PAG1: variants seen among roughly 807,000 people sequenced by gnomAD.
PAG1 encodes the protein phosphoprotein associated with glycosphingolipid-enriched microdomains 1.
In PAG1, 23 loss-of-function variants were observed where a neutral mutation model predicts 31.7. That is an observed-to-expected ratio of 0.73 (90% CI 0.52 to 1.03). The LOEUF is 1.03. Among genes scored for constraint, PAG1 ranks in the 50% least tolerant of loss-of-function variants. The pLI, the probability that PAG1 is intolerant of heterozygous loss-of-function variation, is 0.00. For synonymous variants in PAG1, 214 were observed against 210.3 expected, an observed-to-expected ratio of 1.02 and a Z score of -0.15; for missense variants, 473 against 540.7, an observed-to-expected ratio of 0.87 and a Z score of 1.24.
At chr8:81,095,670 G>C (rs906786769) in intron 1 of PAG1, among the ~76,000 whole-genome samples, 3 of 152,236 alleles carry the variant, frequency 2.0e-5, no homozygotes, top group Non-Finnish European at 2.9e-5. Flanking sequence ...CCACTAGGAA[G>C]TAAGGGTAGA....
rs753250911 is a variant in PAG1 at position 80,968,179 on chromosome 8, C to T, written c.*8365G>A. ...CCCTAAACATAATTAATAATTGGAT[C>T]ATTAAAAACACAACTTCAATTTATA... On this transcript the variant is annotated 3_prime_UTR_variant, in exon 9 of 9. Transcript: ENST00000220597. 2 of 152,204 alleles carry T rather than the reference C, an allele frequency of 1.3e-5. No homozygotes were observed. Among genetic ancestry groups the T allele is most frequent in the African/African-American group, 4.8e-5 (2 of 41,450 alleles). The allele number at this position is 152,204 out of a possible 1,614,324, so 9.4% of individuals were successfully genotyped here.
rs145319786 is a variant in PAG1, at chr8:81,077,664, G to A, written c.-233-7494C>T. ...TTTAGAAATCTGAAAGGAATTTGTT[G>A]GATATAAAAGAAAAATGCTGTCTTG... On this transcript the variant is annotated intron_variant, in intron 1 of 8. Transcript: ENST00000220597. Among the ~76,000 whole-genome samples the A allele has an allele frequency of 9.9e-4, 151 of 152,002 alleles. 2 individuals carry two copies. Among genetic ancestry groups the A allele is most frequent in the African/African-American group, 3.5e-3 (146 of 41,448 alleles).
rs1458853739 is a variant in PAG1, at chr8:80,973,042, A to C, written c.*3502T>G. 6.6e-6 allele frequency: 1 copy of C among 151,900 alleles called. No individual in the cohort carries two copies. Among genetic ancestry groups the C allele is most frequent in the Non-Finnish European group, 1.5e-5 (1 of 67,962 alleles). 9.4% of individuals were successfully genotyped at this position (151,900 alleles called of 1,614,324 possible). A position where few individuals can be genotyped will look rare whatever the true frequency, so the allele number is the denominator to read the frequency against. ...TATATACAGTGATATAATGCGGTTA[A>C]ATTTTAGTTCTCTGTGTTAACTACT... On this transcript the variant is annotated 3_prime_UTR_variant, in exon 9 of 9. Transcript: ENST00000220597.
intron 3 of PAG1, among the ~76,000 whole-genome samples, chr8:81,001,276 T>C (rs1196461710): frequency 6.6e-6 from 1 of 152,270 alleles, no homozygotes; most frequent in Non-Finnish European, 1.5e-5. Context: ...TTCATAACTG[T>C]AGCCGTAGTG....
chr8:81,049,942 C>A (rs1350410016), intron 2 of PAG1, among the ~76,000 whole-genome samples: 1 of 152,168 alleles, frequency 6.6e-6, no homozygotes, highest in African/African-American at 2.4e-5. Flanking sequence ...ACAAACCCCA[C>A]GCTGGGACTG....
chr8:81,067,027 T>A (rs1243375271), intron 2 of PAG1, among the ~76,000 whole-genome samples: 1 of 152,068 alleles, frequency 6.6e-6, no homozygotes, highest in African/African-American at 2.4e-5. Context: ...CCAGGCATGG[T>A]GGCACGTGCC....
intron 1 of PAG1, among the ~76,000 whole-genome samples, chr8:81,111,062 G>C (rs1463273412): frequency 1.3e-5 from 2 of 152,182 alleles, no homozygotes; most frequent in Admixed American, 6.5e-5. Context: ...ATTTGCCTTA[G>C]GGCATAAAAC....
rs1295475428 is a variant in PAG1 at position 80,970,826 on chromosome 8, CG to C, written c.*5717del. ...GCCTGTGAGTTGGGCAGAGCTGTGACGAGGCATGGTTCTGTGCCGGCTGGCA... is the reference window on the plus strand; with the variant it reads ...GCCTGTGAGTTGGGCAGAGCTGTGACAGGCATGGTTCTGTGCCGGCTGGCA... On this transcript the variant is annotated 3_prime_UTR_variant, in exon 9 of 9. Transcript: ENST00000220597. The C allele has an allele frequency of 6.5e-6, 1 of 153,000 alleles. No individual in the cohort carries two copies. The highest frequency in any genetic ancestry group is 1.5e-5 in the Non-Finnish European group (1 of 68,260). 9.5% of individuals were successfully genotyped at this position (153,000 alleles called of 1,614,324 possible).
chr8:81,009,768 A>C (rs1350958828), intron 3 of PAG1, among the ~76,000 whole-genome samples: 2 of 152,110 alleles, frequency 1.3e-5, no homozygotes, highest in Admixed American at 1.3e-4. Flanking sequence ...ATGTACCACC[A>C]CATCTGGTTA....
intron 2 of PAG1, among the ~76,000 whole-genome samples, chr8:81,053,549 T>C (rs958314376): frequency 8.5e-5 from 13 of 152,222 alleles, no homozygotes; most frequent in African/African-American, 2.9e-4. Context: ...CTGAGAATAC[T>C]AGAATGATCA....
rs1375462568 is a variant in PAG1 at position 80,972,185 on chromosome 8, A to T, written c.*4359T>A. ...ACTTTTCCCCATTACACAGTACAAT[A>T]AGCCTGTCAAGATTTCCAGGAAGTA... is the stretch of plus-strand genomic sequence containing the variant. On this transcript the variant is annotated 3_prime_UTR_variant, in exon 9 of 9. Coordinates refer to ENST00000220597, the MANE Select transcript of PAG1 (RefSeq NM_018440.4). 2.6e-5 allele frequency: 4 copies of T among 152,208 alleles called. No individual in the cohort carries two copies. The highest frequency in any genetic ancestry group is 5.9e-5 in the Non-Finnish European group (4 of 68,026). 9.4% of individuals were successfully genotyped at this position (152,208 alleles called of 1,614,324 possible).
In PAG1 at chr8:80,985,490, T is replaced by C. The variant is rs1807400374; in HGVS notation, c.275-113A>G. The C allele has an allele frequency of 3.7e-6, 4 of 1,068,564 alleles. No individual in the cohort carries two copies. In the Admixed American group the frequency reaches 1.1e-4, roughly 31 times the overall value. 66.2% of individuals were successfully genotyped at this position (1,068,564 alleles called of 1,614,324 possible). On this transcript the variant is annotated intron_variant, in intron 6 of 8. Transcript: ENST00000220597. Reference sequence around the variant, plus strand: ...TCAAGATGCGTGCTTTTTATTTAAGTCTCAGGCACAAATTATAGTTGTTAT... The same window carrying C: ...TCAAGATGCGTGCTTTTTATTTAAGCCTCAGGCACAAATTATAGTTGTTAT...
rs112676321 is a variant in PAG1, at chr8:80,972,940, C to CGTGTGTGTGTGTGTGT, written c.*3588_*3603dup. ...AAGTATATACACACACACACGTATA[C>CGTGTGTGTGTGTGTGT]GTGTGTGTGTGTGTGTGTGTGTGTG... is the stretch of plus-strand genomic sequence containing the variant. On this transcript the variant is annotated 3_prime_UTR_variant, in exon 9 of 9. Transcript: ENST00000220597. The CGTGTGTGTGTGTGTGT allele has an allele frequency of 2.8e-3, 412 of 146,376 alleles. 1 individual carries two copies. Among genetic ancestry groups the CGTGTGTGTGTGTGTGT allele is most frequent in the African/African-American group, 4.5e-3 (179 of 40,104 alleles). 9.1% of individuals were successfully genotyped at this position (146,376 alleles called of 1,614,324 possible). A position where few individuals can be genotyped will look rare whatever the true frequency, so the allele number is the denominator to read the frequency against.
rs570198138 is a variant in PAG1, at chr8:80,972,155, C to T, written c.*4389G>A. ...TCATTTATTAACACCAAACATTATA[C>T]TTTAACTTTTCCCCATTACACAGTA... is the stretch of plus-strand genomic sequence containing the variant. On this transcript the variant is annotated 3_prime_UTR_variant, in exon 9 of 9. Coordinates refer to ENST00000220597, the MANE Select transcript of PAG1 (RefSeq NM_018440.4). 7 of 152,304 alleles carry T rather than the reference C, an allele frequency of 4.6e-5. No individual in the cohort carries two copies. Among genetic ancestry groups the T allele is most frequent in the African/African-American group, 1.7e-4 (7 of 41,570 alleles). The allele number at this position is 152,304 out of a possible 1,614,324, so 9.4% of individuals were successfully genotyped here. A position where few individuals can be genotyped will look rare whatever the true frequency, so the allele number is the denominator to read the frequency against.
chr8:81,107,338 T>C (rs979625328), intron 1 of PAG1, among the ~76,000 whole-genome samples: 15 of 152,318 alleles, frequency 9.8e-5, no homozygotes, highest in African/African-American at 3.4e-4. Flanking sequence ...AGCAAGATAG[T>C]ATAGGATTCT....
chr8:81,056,387 A>G (rs1808823172), intron 2 of PAG1, among the ~76,000 whole-genome samples: 1 of 152,176 alleles, frequency 6.6e-6, no homozygotes, highest in African/African-American at 2.4e-5. Flanking sequence ...GACCAATGGA[A>G]CAGAACGGAG....
At chr8:81,110,238 T>C (rs955410027) in intron 1 of PAG1, among the ~76,000 whole-genome samples, 4 of 152,228 alleles carry the variant, frequency 2.6e-5, no homozygotes, top group African/African-American at 9.6e-5. Flanking sequence ...CATTTATGTA[T>C]GTGTATATAT....
intron 1 of PAG1, among the ~76,000 whole-genome samples, chr8:81,096,601 T>G (rs901928123): frequency 1.3e-5 from 2 of 152,244 alleles, no homozygotes; most frequent in Non-Finnish European, 2.9e-5. Context: ...AATCTCTACT[T>G]GAGAACTTTA....
chr8:80,993,085 A>G lies in PAG1; in HGVS notation c.125+18T>C. On this transcript the variant is annotated intron_variant, in intron 4 of 8. Coordinates refer to ENST00000220597, the MANE Select transcript of PAG1 (RefSeq NM_018440.4). ...ATGTATTAGTTTAAGGCACAGGTAT[A>G]TACACTCTGGTTCTCACCTGTCACA... The G allele has an allele frequency of 6.2e-7, 1 of 1,610,918 alleles. No individual in the cohort carries two copies. Among genetic ancestry groups the G allele is most frequent in the Non-Finnish European group, 8.5e-7 (1 of 1,178,172 alleles).
Sources: gnomAD v4.1 joint callset for allele counts (sites outside exome capture counted in the v4.1 genomes callset) on GRCh38, gnomAD v4.1.1 for gene constraint, MANE v1.5 for transcripts, NCBI Gene and HGNC (gene_info 2026-07-23, HGNC 2026-07-21) for gene names.